Variants in LEKR1 observed in about 807,000 individuals in gnomAD.
LEKR1 encodes protein LEKR1.
A neutral mutation model predicts 72.4 loss-of-function variants in LEKR1; 59 were observed. That is an observed-to-expected ratio of 0.82 (90% CI 0.66 to 1.01). LEKR1 has a LOEUF of 1.01. Ranked by LOEUF, LEKR1 falls within the 50% of genes least tolerant of loss-of-function variation. The pLI, the probability that LEKR1 is intolerant of heterozygous loss-of-function variation, is 0.00. For missense variants in LEKR1, 728 were observed against 759.2 expected (o/e 0.96, Z 0.48); for synonymous variants, 257 against 263.2 (o/e 0.98, Z 0.23).
At chr3:157,029,154 A>C (rs1488191603) in intron 12 of LEKR1, among the ~76,000 whole-genome samples, 4 of 152,192 alleles carry the variant, frequency 2.6e-5, no homozygotes, top group Non-Finnish European at 4.4e-5. Context: ...TAAAGGCATA[A>C]AAGGAAAGTG....
At chr3:156,906,134 T>G (rs954915578) in intron 3 of LEKR1, among the ~76,000 whole-genome samples, 5 of 152,176 alleles carry the variant, frequency 3.3e-5, no homozygotes, top group Admixed American at 6.6e-5. Context: ...CGCTTTCTTG[T>G]GTTTTCTAAA....
chr3:156,980,901 G>T (rs1730141804), intron 7 of LEKR1, among the ~76,000 whole-genome samples: 2 of 152,220 alleles, frequency 1.3e-5, no homozygotes. Context: ...AGTTGGCACA[G>T]AATTCTGTGT....
At chr3:156,892,227 G>T (rs1334687537) in intron 3 of LEKR1, among the ~76,000 whole-genome samples, 1 of 152,034 alleles carries the variant, frequency 6.6e-6, no homozygotes, top group South Asian at 2.1e-4. Flanking sequence ...TAGAATAGAC[G>T]CCACCAGACT....
chr3:157,006,463 A>G (rs1560142055), intron 9 of LEKR1, among the ~76,000 whole-genome samples: 2 of 152,360 alleles, frequency 1.3e-5, no homozygotes, highest in East Asian at 3.9e-4. Context: ...TAAAAGTTAA[A>G]TATATACCTA....
intron 6 of LEKR1, among the ~76,000 whole-genome samples, chr3:156,943,638 A>G (rs1726429036): frequency 6.6e-6 from 1 of 151,836 alleles, no homozygotes; most frequent in South Asian, 2.1e-4. Flanking sequence ...AGGGTGAGAT[A>G]GAATCAGGGT....
intron 6 of LEKR1, among the ~76,000 whole-genome samples, chr3:156,946,782 A>G (rs1169030862): frequency 6.6e-6 from 1 of 151,232 alleles, no homozygotes; most frequent in African/African-American, 2.4e-5. Flanking sequence ...CCCTTTTATT[A>G]TTGGCCTGTT....
At chr3:156,913,521 A>G (rs565142554) in intron 3 of LEKR1, among the ~76,000 whole-genome samples, 1 of 152,328 alleles carries the variant, frequency 6.6e-6, no homozygotes, top group Admixed American at 6.5e-5. Flanking sequence ...TGACCTGCTC[A>G]AAACATATAA....
chr3:156,846,674 T>C (rs189355367), intron 2 of LEKR1, among the ~76,000 whole-genome samples: 280 of 152,306 alleles, frequency 1.8e-3, no homozygotes, highest in African/African-American at 6.4e-3. Context: ...TCTTACTGAA[T>C]GGAAAACCTC....
At chr3:156,947,298 A>G (rs1226085797) in intron 6 of LEKR1, among the ~76,000 whole-genome samples, 1 of 151,096 alleles carries the variant, frequency 6.6e-6, no homozygotes, top group Non-Finnish European at 1.5e-5. Flanking sequence ...ATGTTGGTGC[A>G]AGATATAGTG....
At chr3:156,944,495 G>A (rs1035594887) in intron 6 of LEKR1, among the ~76,000 whole-genome samples, 1 of 151,460 alleles carries the variant, frequency 6.6e-6, no homozygotes, top group African/African-American at 2.4e-5. Flanking sequence ...TCAAATACTA[G>A]CTTTTATTCA....
intron 12 of LEKR1, among the ~76,000 whole-genome samples, chr3:157,032,753 G>A (rs1734704504): frequency 1.3e-5 from 2 of 152,138 alleles, no homozygotes; most frequent in South Asian, 2.1e-4. Flanking sequence ...GGAGAAACTA[G>A]ATGCAGGCAT....
chr3:156,916,075 T>C (rs575704637), intron 3 of LEKR1, among the ~76,000 whole-genome samples: 1 of 152,198 alleles, frequency 6.6e-6, no homozygotes, highest in East Asian at 1.9e-4. Context: ...GGTTTAGGTG[T>C]GTGTTCTTAT....
chr3:156,939,895 G>A (rs1726048206), intron 5 of LEKR1, among the ~76,000 whole-genome samples: 1 of 152,096 alleles, frequency 6.6e-6, no homozygotes, highest in African/African-American at 2.4e-5. Context: ...GCTTAGAAAT[G>A]TAGTCCACAT....
chr3:156,832,416 C>T (rs1712539049), intron 2 of LEKR1, among the ~76,000 whole-genome samples: 1 of 152,170 alleles, frequency 6.6e-6, no homozygotes, highest in African/African-American at 2.4e-5. Flanking sequence ...CTCCAGTTCC[C>T]CATTTCTACC....
intron 3 of LEKR1, among the ~76,000 whole-genome samples, chr3:156,915,436 T>A (rs1408296128): frequency 1.3e-5 from 2 of 152,088 alleles, no homozygotes; most frequent in Non-Finnish European, 1.5e-5. Context: ...TTTTGACTTT[T>A]TAGTGATAGC....
intron 5 of LEKR1, among the ~76,000 whole-genome samples, chr3:156,931,947 C>T (rs915337986): frequency 6.6e-6 from 1 of 152,038 alleles, no homozygotes; most frequent in Non-Finnish European, 1.5e-5. Flanking sequence ...TCTATTGGTG[C>T]ACTTGAGATT....
chr3:156,975,768 C>G (rs1333117985), intron 6 of LEKR1, among the ~76,000 whole-genome samples: 1 of 152,178 alleles, frequency 6.6e-6, no homozygotes, highest in Non-Finnish European at 1.5e-5. Context: ...GCAAAGAACA[C>G]AGTCACATCA....
intron 3 of LEKR1, among the ~76,000 whole-genome samples, chr3:156,881,492 A>G (rs1227121978): frequency 6.6e-6 from 1 of 152,140 alleles, no homozygotes; most frequent in African/African-American, 2.4e-5. Context: ...TGTTCAAGGA[A>G]ATAAAAGAGG....
chr3:156,922,396 G>A (rs17442011), intron 4 of LEKR1, among the ~76,000 whole-genome samples: 4,783 of 150,822 alleles, frequency 0.032, 114 homozygotes, highest in Non-Finnish European at 0.047. Context: ...TAAAGGATTC[G>A]TAGGCCAAAA....
Sources: allele counts gnomAD v4.1 joint callset (sites outside exome capture counted in the v4.1 genomes callset), GRCh38; gene constraint gnomAD v4.1.1; transcripts MANE v1.5; gene names NCBI Gene and HGNC (gene_info 2026-07-23, HGNC 2026-07-21).